CFAP43: variants seen among roughly 807,000 people sequenced by gnomAD.
CFAP43 encodes cilia and flagella associated protein 43, also known as cilia- and flagella-associated protein 43.
CFAP43 carries 155 observed loss-of-function variants against 218.9 expected under a neutral mutation model. That is an observed-to-expected ratio of 0.71 (90% confidence interval 0.62 to 0.81). The LOEUF (loss-of-function observed/expected upper bound fraction) is 0.81, where lower values mean the gene tolerates loss of function less well. Ranked by LOEUF, CFAP43 falls within the 30% of genes least tolerant of loss-of-function variation. The probability of loss-of-function intolerance (pLI) is 0.00; values close to 1 mark genes in which losing one functional copy is unlikely to be tolerated. For synonymous variants in CFAP43, 645 were observed against 681.3 expected, an observed-to-expected ratio of 0.95 and a Z score of 0.83; for missense variants, 1,778 against 1,954.3, an observed-to-expected ratio of 0.91 and a Z score of 1.70.
intron 19 of CFAP43, among the ~76,000 whole-genome samples, chr10:104,177,786 G>A (rs2089684412): frequency 6.6e-6 from 1 of 152,218 alleles, no homozygotes; most frequent in Non-Finnish European, 1.5e-5. Context: ...AGAATTGGGA[G>A]TCAGGCACTG....
chr10:104,206,111 ACTGATGTAAATC>A, intron 6 of CFAP43, 81 bp from the exon 7 acceptor site: 1 of 1,091,130 alleles, frequency 9.2e-7, no homozygotes, highest in Non-Finnish European at 1.3e-6. Flanking sequence ...AGCTACTTTT[ACTGATGTAAATC>A]TTATAAGTTG....
At position 104,188,257 on chromosome 10, in the gene CFAP43, A is replaced by T. The variant is rs765445936; in HGVS notation, c.1687+13T>A. ...GGCTCAGGAGCAGAACTGGCTGCTT[A>T]TGTTTTCCTTACCTTGTGGCAGTAA... On this transcript the variant is annotated intron_variant, in intron 13 of 37. Coordinates refer to ENST00000357060, the MANE Select transcript of CFAP43 (RefSeq NM_025145.7). 1 of 1,613,010 alleles carries T rather than the reference A, an allele frequency of 6.2e-7. No homozygotes were observed.
chr10:104,148,872 A>AT (rs548724886), intron 28 of CFAP43, among the ~76,000 whole-genome samples: 2 of 152,176 alleles, frequency 1.3e-5, no homozygotes, highest in East Asian at 3.9e-4. Context: ...CTTATTCATA[A>AT]TTTTTTTTCA....
At chr10:104,172,958 A>G (rs1045357907) in intron 19 of CFAP43, among the ~76,000 whole-genome samples, 6 of 152,190 alleles carry the variant, frequency 3.9e-5, no homozygotes, top group African/African-American at 1.2e-4. Flanking sequence ...GTGAAATGAT[A>G]TTGGCCATTG....
chr10:104,166,481 G>C lies in CFAP43; in HGVS notation c.3039+7C>G. On this transcript the variant is annotated splice_region_variant and intron_variant, in intron 23 of 37. Coordinates refer to ENST00000357060, the MANE Select transcript of CFAP43 (RefSeq NM_025145.7). ...GATTTTTCAGGATAAAAAGAAAATT[G>C]ACCCACTTTCAATAATATAATTTGG... is the stretch of plus-strand genomic sequence containing the variant. The C allele has an allele frequency of 6.2e-7, 1 of 1,603,208 alleles. No individual in the cohort carries two copies. The highest frequency in any genetic ancestry group is 8.5e-7 in the Non-Finnish European group (1 of 1,173,716).
chr10:104,227,835 CTTTTTTTTTTTTTT>C (rs776193577), intron 2 of CFAP43, among the ~76,000 whole-genome samples: 1 of 58,356 alleles, frequency 1.7e-5, no homozygotes, highest in South Asian at 6.8e-4. Flanking sequence ...ATGTTTTCTA[CTTTTTTTTTTTTTT>C]TTTTTTTTTT....
At chr10:104,194,459 T>A (rs1201421781) in intron 10 of CFAP43, among the ~76,000 whole-genome samples, 1 of 152,200 alleles carries the variant, frequency 6.6e-6, no homozygotes, top group East Asian at 1.9e-4. Flanking sequence ...TGTCTTGAAC[T>A]ACTGGGCTCA....
rs765658661 is a variant in CFAP43 at position 104,232,298 on chromosome 10, C to A, written c.-52G>T. 1.3e-6 allele frequency: 2 copies of A among 1,510,278 alleles called. No homozygotes were observed. Among genetic ancestry groups the A allele is most frequent in the Middle Eastern group, 2.3e-4 (1 of 4,378 alleles). 93.6% of individuals were successfully genotyped at this position (1,510,278 alleles called of 1,614,324 possible). A position where few individuals can be genotyped will look rare whatever the true frequency, so the allele number is the denominator to read the frequency against. On this transcript the variant is annotated 5_prime_UTR_variant, in exon 1 of 38. Transcript: ENST00000357060. Reference sequence around the variant, plus strand: ...AGGCAGCGCACGCAGCACCCCAGGGCGGGTCGGTTACCTTTCCGCCGCCGC... The same window carrying A: ...AGGCAGCGCACGCAGCACCCCAGGGAGGGTCGGTTACCTTTCCGCCGCCGC...
At chr10:104,196,669 T>C (rs1013408987) in intron 10 of CFAP43, among the ~76,000 whole-genome samples, 184 bp downstream of exon 10, 4 of 152,238 alleles carry the variant, frequency 2.6e-5, no homozygotes, top group Non-Finnish European at 4.4e-5. Flanking sequence ...TTGTATGCTA[T>C]GGTTCCACTC....
chr10:104,138,306 G>A (rs1212079045), intron 34 of CFAP43, among the ~76,000 whole-genome samples: 1 of 152,132 alleles, frequency 6.6e-6, no homozygotes, highest in African/African-American at 2.4e-5. Flanking sequence ...CAAAATAACT[G>A]ACTATTACTC....
At position 104,167,639 on chromosome 10, in the gene CFAP43, A is replaced by C; in HGVS notation, c.2790T>G (p.Ile930Met). 3.1e-6 allele frequency: 5 copies of C among 1,609,550 alleles called. No individual in the cohort carries two copies. The highest frequency in any genetic ancestry group is 4.2e-6 in the Non-Finnish European group (5 of 1,178,870). Residue 930 changes from isoleucine to methionine, a missense_variant, in exon 22 of 38, where the codon ATT becomes ATG. Around this residue, in one of 3 missense-constraint regions of CFAP43, gnomAD observed 1,553 missense variants for 1,685.2 expected, o/e 0.92. Transcript: ENST00000357060. ...ELERVLQQKK[I>M]EAECLKLRKE... ...ATAGTACTTTAAGACACTCTGCTTC[A>C]ATCTTCTTTTGCTGTAAAACTCTTT...
chr10:104,185,562 G>C (rs1007034580), intron 15 of CFAP43, among the ~76,000 whole-genome samples: 1 of 152,026 alleles, frequency 6.6e-6, no homozygotes, highest in African/African-American at 2.4e-5. Flanking sequence ...AGAGGGTGAC[G>C]GGCACTGTGA....
At position 104,214,442 on chromosome 10, in the gene CFAP43, C is replaced by A. The variant is rs1366842012; in HGVS notation, c.417-16G>T. The A allele has an allele frequency of 2.6e-6, 4 of 1,532,016 alleles. No homozygotes were observed. The highest frequency in any genetic ancestry group is 4.3e-5 in the Admixed American group (2 of 46,540). The allele number at this position is 1,532,016 out of a possible 1,614,324, so 94.9% of individuals were successfully genotyped here. A position where few individuals can be genotyped will look rare whatever the true frequency, so the allele number is the denominator to read the frequency against. ...TTCCCAGTTCCTTAGAGAAAAATAG[C>A]ATTTGATGAAAAAAAGTTCATTTGA... On this transcript the variant is annotated splice_polypyrimidine_tract_variant and intron_variant, in intron 3 of 37. Coordinates refer to ENST00000357060, the MANE Select transcript of CFAP43 (RefSeq NM_025145.7).
chr10:104,173,637 G>A (rs980511460), intron 19 of CFAP43, among the ~76,000 whole-genome samples: 4 of 152,206 alleles, frequency 2.6e-5, no homozygotes, highest in Admixed American at 2.6e-4. Flanking sequence ...GAATCTGTTA[G>A]TGGCTAGAAA....
intron 3 of CFAP43, among the ~76,000 whole-genome samples, chr10:104,223,089 A>G (rs530431454): frequency 6.6e-6 from 1 of 152,328 alleles, no homozygotes; most frequent in African/African-American, 2.4e-5. Context: ...CTTTACAAAA[A>G]CAGGTGGTGG....
chr10:104,145,611 C>T (rs764258648), intron 30 of CFAP43, 47 bp from the exon 31 acceptor site: 1 of 1,321,020 alleles, frequency 7.6e-7, no homozygotes, highest in Admixed American at 1.8e-5. Flanking sequence ...GTTTGGAAAC[C>T]TTTTATTTGT....
chr10:104,182,282 G>A, intron 17 of CFAP43, 84 bp downstream of exon 17: 2 of 1,385,406 alleles, frequency 1.4e-6, no homozygotes, highest in Admixed American at 5.3e-5. Flanking sequence ...CTAAATATCT[G>A]CTTAAAGAAA....
At position 104,230,627 on chromosome 10, in the gene CFAP43, G is replaced by GC; in HGVS notation, c.281_282insG (p.Tyr94Ter). Reference protein sequence around the residue: ...DRKLKPLIYVYSFPGLTRRTK... With the variant: ...DRKLKPLIYV Reference sequence around the variant, plus strand: ...TCCTTCTGGTCAATCCTGGAAAGCTGTATACGTAGATGAGAGGTTTTAGCT... The same window carrying GC: ...TCCTTCTGGTCAATCCTGGAAAGCTGCTATACGTAGATGAGAGGTTTTAGCT... Residue 94 changes from tyrosine to a stop codon, truncating the protein, a stop_gained and frameshift_variant, in exon 2 of 38, where the codon TAC becomes TAGC. Coordinates refer to ENST00000357060, the MANE Select transcript of CFAP43 (RefSeq NM_025145.7). LOFTEE classifies it high-confidence loss of function. 1.2e-6 allele frequency: 2 copies of GC among 1,614,150 alleles called. No homozygotes were observed. The highest frequency in any genetic ancestry group is 1.7e-6 in the Non-Finnish European group (2 of 1,180,026).
intron 21 of CFAP43, among the ~76,000 whole-genome samples, chr10:104,168,045 T>A (rs1221404068): frequency 3.9e-5 from 6 of 152,184 alleles, no homozygotes; most frequent in African/African-American, 1.2e-4. Context: ...AACTTTTTTT[T>A]ATTGTAATTA....
Sources: allele counts gnomAD v4.1 joint callset (sites outside exome capture counted in the v4.1 genomes callset), GRCh38; gene constraint gnomAD v4.1.1; regional missense constraint gnomAD v4.1.1; transcripts MANE v1.5; gene names NCBI Gene and HGNC (gene_info 2026-07-23, HGNC 2026-07-21).